The following PCDH15 variants were observed in gnomAD, a reference collection of about 807,000 sequenced individuals.
The protein encoded by PCDH15 is protocadherin related 15.
A neutral mutation model predicts 178.5 loss-of-function variants in PCDH15; 129 were observed. That is an observed-to-expected ratio of 0.72 (90% CI 0.63 to 0.84). The LOEUF (loss-of-function observed/expected upper bound fraction) is 0.84. PCDH15 is among the 40% of genes least tolerant of loss of function. PCDH15 has a pLI of 0.00. For synonymous variants in PCDH15, 800 were observed against 732.0 expected (o/e 1.09, Z -1.50); for missense variants, 2,230 against 2,099.9 (o/e 1.06, Z -1.21).
chr10:54,792,526 C>G (rs939527683), intron 1 of PCDH15, among the ~76,000 whole-genome samples: 6 of 151,942 alleles, frequency 3.9e-5, no homozygotes, highest in Non-Finnish European at 8.8e-5. Context: ...GTAAAGCAGA[C>G]TGACAACCCA....
At chr10:54,208,505 C>T (rs2051061901) in intron 10 of PCDH15, among the ~76,000 whole-genome samples, 3 of 151,972 alleles carry the variant, frequency 2.0e-5, no homozygotes, top group Non-Finnish European at 4.4e-5. Flanking sequence ...CTCTCTCACC[C>T]TCTCACCCTC....
At position 54,366,316 on chromosome 10, in the gene PCDH15, T is replaced by A. The variant is rs1946783991; in HGVS notation, c.474+2804A>T. On this transcript the variant is annotated intron_variant, in intron 5 of 37. Coordinates refer to ENST00000644397, the MANE Select transcript of PCDH15 (RefSeq NM_001384140.1). ...CAATCTATTAAACTGTGAACGATTTTTTTGGAAAAACATTTAGATCTTTCT... is the reference window on the plus strand; with the variant it reads ...CAATCTATTAAACTGTGAACGATTTATTTGGAAAAACATTTAGATCTTTCT... Among the ~76,000 whole-genome samples, 3 of 152,248 alleles carry A rather than the reference T, an allele frequency of 2.0e-5. No individual in the cohort carries two copies. In the South Asian group the frequency reaches 6.2e-4, roughly 32 times the overall value.
At chr10:54,632,118 A>C (rs1309313493) in intron 2 of PCDH15, among the ~76,000 whole-genome samples, 1 of 151,116 alleles carries the variant, frequency 6.6e-6, no homozygotes. Context: ...GAATGAAATC[A>C]TGTCCCTTAC....
chr10:55,178,203 G>C (rs1839548654), intron 1 of PCDH15, among the ~76,000 whole-genome samples: 2 of 152,092 alleles, frequency 1.3e-5, no homozygotes, highest in Admixed American at 1.3e-4. Flanking sequence ...CATTGTGAAG[G>C]CCACCAAAAA....
At chr10:53,829,537 T>A (rs186635419) in intron 30 of PCDH15, among the ~76,000 whole-genome samples, 1 of 152,334 alleles carries the variant, frequency 6.6e-6, no homozygotes, top group African/African-American at 2.4e-5. Context: ...TAATTAATAA[T>A]GGGTTGATGG....
At chr10:54,922,634 G>A (rs982679057) in intron 2 of PCDH15, among the ~76,000 whole-genome samples, 7 of 152,032 alleles carry the variant, frequency 4.6e-5, no homozygotes, top group Admixed American at 3.3e-4. Context: ...TGATATGTTC[G>A]ACTCTGTGTC....
At chr10:54,328,657 C>T (rs1469136634) in intron 7 of PCDH15, among the ~76,000 whole-genome samples, 5 of 151,876 alleles carry the variant, frequency 3.3e-5, no homozygotes, top group Non-Finnish European at 5.9e-5. Context: ...AATCAATAAA[C>T]GTAAAAGAAA....
intron 1 of PCDH15, among the ~76,000 whole-genome samples, chr10:55,300,130 A>C (rs1263501547): frequency 6.6e-6 from 1 of 152,114 alleles, no homozygotes. Flanking sequence ...ACATTTTACC[A>C]CTTCCACTTG....
intron 15 of PCDH15, among the ~76,000 whole-genome samples, chr10:54,131,265 T>C (rs1461766809): frequency 1.3e-5 from 2 of 152,170 alleles, no homozygotes; most frequent in African/African-American, 2.4e-5. Flanking sequence ...TAAAGGCACA[T>C]ACTTGACAAA....
intron 2 of PCDH15, among the ~76,000 whole-genome samples, chr10:55,530,716 C>T (rs1261076194): frequency 6.6e-6 from 1 of 151,868 alleles, no homozygotes; most frequent in East Asian, 1.9e-4. Flanking sequence ...GGGGCCTGAA[C>T]ATCACACAAA....
intron 2 of PCDH15, among the ~76,000 whole-genome samples, chr10:55,158,711 A>G (rs1742164788): frequency 6.6e-6 from 1 of 151,818 alleles, no homozygotes; most frequent in African/African-American, 2.4e-5. Context: ...AAAAAGAAAG[A>G]AAGAAAAAGA....
chr10:54,738,715 T>C (rs1944419693), intron 1 of PCDH15, among the ~76,000 whole-genome samples: 1 of 152,010 alleles, frequency 6.6e-6, no homozygotes, highest in African/African-American at 2.4e-5. Context: ...CATGATTAAG[T>C]GAATTCATCC....
intron 2 of PCDH15, among the ~76,000 whole-genome samples, chr10:55,356,571 C>T (rs1217022943): frequency 6.6e-6 from 1 of 151,632 alleles, no homozygotes; most frequent in Admixed American, 6.6e-5. Context: ...ACAAAAGAAA[C>T]ACAGAATTGA....
At chr10:54,902,309 A>G (rs1954650550) in intron 2 of PCDH15, among the ~76,000 whole-genome samples, 1 of 152,122 alleles carries the variant, frequency 6.6e-6, no homozygotes, top group Non-Finnish European at 1.5e-5. Flanking sequence ...TCCCCACCCA[A>G]ATCTCATGTT....
chr10:53,806,486 A>G lies in PCDH15; in HGVS notation c.*93T>C, dbSNP rs962170940. On this transcript the variant is annotated 3_prime_UTR_variant, in exon 38 of 38. Coordinates refer to ENST00000644397, the MANE Select transcript of PCDH15 (RefSeq NM_001384140.1). Reference sequence around the variant, plus strand: ...AAGTTTTAGCTTGTGTGCATGATATAAATTCCATACATTGTTTTCTCAGTG... The same window carrying G: ...AAGTTTTAGCTTGTGTGCATGATATGAATTCCATACATTGTTTTCTCAGTG... 19 of 1,124,462 alleles carry G rather than the reference A, an allele frequency of 1.7e-5. No homozygotes were observed. The African/African-American group carries it at 1.9e-4, about 11-fold the overall frequency. The allele number at this position is 1,124,462 out of a possible 1,614,324, so 69.7% of individuals were successfully genotyped here. A position where few individuals can be genotyped will look rare whatever the true frequency, so the allele number is the denominator to read the frequency against.
chr10:55,415,160 T>C (rs1037749082), intron 2 of PCDH15, among the ~76,000 whole-genome samples: 6 of 151,670 alleles, frequency 4.0e-5, no homozygotes, highest in Non-Finnish European at 7.4e-5. Flanking sequence ...TTGGCCCTTA[T>C]TGAAATGATT....
At chr10:54,624,347 A>G (rs1271837533) in intron 2 of PCDH15, among the ~76,000 whole-genome samples, 1 of 152,236 alleles carries the variant, frequency 6.6e-6, no homozygotes, top group Non-Finnish European at 1.5e-5. Context: ...AGTAGCAAAA[A>G]TATTACAAAA....
chr10:54,532,925 G>A, intron 2 of PCDH15, among the ~76,000 whole-genome samples: 1 of 152,144 alleles, frequency 6.6e-6, no homozygotes, highest in East Asian at 1.9e-4. Context: ...ACCAGTGTGA[G>A]TGAGTGTGGG....
At chr10:55,497,453 C>G (rs1363358355) in intron 2 of PCDH15, among the ~76,000 whole-genome samples, 1 of 151,698 alleles carries the variant, frequency 6.6e-6, no homozygotes, top group Non-Finnish European at 1.5e-5. Flanking sequence ...TTTTAAAAAC[C>G]TTTGATTTCG....
Sources: gnomAD v4.1 joint callset for allele counts (sites outside exome capture counted in the v4.1 genomes callset) on GRCh38, gnomAD v4.1.1 for gene constraint, MANE v1.5 for transcripts, NCBI Gene and HGNC (gene_info 2026-07-23, HGNC 2026-07-21) for gene names.